SPIDR: variants seen among roughly 807,000 people sequenced by gnomAD.
The protein encoded by SPIDR is scaffold protein involved in DNA repair, also known as DNA repair-scaffolding protein.
Under a neutral mutation model 104.6 loss-of-function variants are expected in SPIDR, and 93 were observed. The ratio of observed to expected loss-of-function variants is 0.89; its 90% CI spans 0.75 to 1.06. The LOEUF (loss-of-function observed/expected upper bound fraction) is 1.06, where lower values mean the gene tolerates loss of function less well. Among genes scored for constraint, SPIDR ranks in the 50% least tolerant of loss-of-function variants. The pLI is 0.00. For missense variants in SPIDR, 1,154 were observed against 1,111.2 expected (o/e 1.04, Z -0.55); for synonymous variants, 431 against 416.9 (o/e 1.03, Z -0.41).
chr8:47,314,123 G>C (rs782672583), intron 5 of SPIDR, among the ~76,000 whole-genome samples: 5 of 152,170 alleles, frequency 3.3e-5, no homozygotes, highest in Non-Finnish European at 7.3e-5. Flanking sequence ...GTGTATAAAG[G>C]ATGAGTCTAG....
intron 8 of SPIDR, among the ~76,000 whole-genome samples, chr8:47,533,105 A>C (rs2086291426): frequency 6.6e-6 from 1 of 152,250 alleles, no homozygotes; most frequent in African/African-American, 2.4e-5. Context: ...CAGTGTAAAG[A>C]AAATTTATAG....
rs572635860 is a variant in SPIDR at position 47,718,646 on chromosome 8, CTTTAT to C, written c.2341+5011_2341+5015del. Among the ~76,000 whole-genome samples the C allele has an allele frequency of 1.5e-4, 23 of 152,058 alleles. No individual in the cohort carries two copies. The East Asian group carries it at 3.9e-3, about 26-fold the overall frequency. ...ATTTTTTCATTGCACGTTGATAAAACTTTATTTTATAAAGTGTAAACCACAGTGAG... is the reference window on the plus strand; with the variant it reads ...ATTTTTTCATTGCACGTTGATAAAACTTTATAAAGTGTAAACCACAGTGAG... On this transcript the variant is annotated intron_variant, in intron 16 of 19. Transcript: ENST00000297423.
chr8:47,298,284 T>C (rs1003649120), intron 5 of SPIDR, among the ~76,000 whole-genome samples: 53 of 152,336 alleles, frequency 3.5e-4, no homozygotes, highest in African/African-American at 1.1e-3. Context: ...TCATATCCTT[T>C]GCCCACTTTT....
chr8:47,420,909 A>C (rs944985797), intron 7 of SPIDR, among the ~76,000 whole-genome samples: 37 of 152,188 alleles, frequency 2.4e-4, no homozygotes, highest in Middle Eastern at 3.4e-3. Flanking sequence ...GTTGAAAATT[A>C]TTTTCTTTAA....
chr8:47,564,188 C>T (rs1336059350), intron 8 of SPIDR, among the ~76,000 whole-genome samples: 1 of 150,030 alleles, frequency 6.7e-6, no homozygotes, highest in East Asian at 2.0e-4. Context: ...AAGCGACTCT[C>T]CTTCCTCAGC....
chr8:47,561,936 A>C (rs1166849346), intron 8 of SPIDR, among the ~76,000 whole-genome samples: 1 of 152,270 alleles, frequency 6.6e-6, no homozygotes, highest in Non-Finnish European at 1.5e-5. Flanking sequence ...AATATGTTCA[A>C]AGAAAGAGGT....
chr8:47,525,345 G>C (rs182002467), intron 8 of SPIDR, among the ~76,000 whole-genome samples: 106 of 152,306 alleles, frequency 7.0e-4, no homozygotes, highest in Middle Eastern at 3.4e-3. Context: ...TAGGAGCCTG[G>C]AAAACAAAAG....
rs990631180 is a variant in SPIDR at position 47,673,647 on chromosome 8, T to C, written c.1545-154T>C. 7.8e-6 allele frequency: 8 copies of C among 1,019,902 alleles called. No homozygotes were observed. The Admixed American group carries it at 1.2e-4, about 16-fold the overall frequency. The allele number at this position is 1,019,902 out of a possible 1,614,324, so 63.2% of individuals were successfully genotyped here. On this transcript the variant is annotated intron_variant, in intron 10 of 19. Transcript: ENST00000297423. ...AAGATGACTACAGTGGATTTCTTTT[T>C]TTTTTCCCCCCTTGGTTTTTCTTTA...
At chr8:47,274,194 G>A (rs2035904936) in intron 1 of SPIDR, among the ~76,000 whole-genome samples, 1 of 152,196 alleles carries the variant, frequency 6.6e-6, no homozygotes, top group Admixed American at 6.5e-5. Flanking sequence ...TTATAGCACA[G>A]TATCTTTACC....
intron 8 of SPIDR, among the ~76,000 whole-genome samples, chr8:47,464,907 T>C (rs1316812238): frequency 2.0e-5 from 3 of 152,098 alleles, no homozygotes; most frequent in Admixed American, 6.6e-5. Context: ...TAGCTGGGAC[T>C]AGAGGCATGC....
chr8:47,414,847 G>A (rs1234457171), intron 7 of SPIDR, among the ~76,000 whole-genome samples: 1 of 152,106 alleles, frequency 6.6e-6, no homozygotes, highest in African/African-American at 2.4e-5. Context: ...ATGATCAAAT[G>A]ATTTAAAATG....
At chr8:47,316,976 G>A (rs1377770331) in intron 5 of SPIDR, among the ~76,000 whole-genome samples, 1 of 152,166 alleles carries the variant, frequency 6.6e-6, no homozygotes, top group Non-Finnish European at 1.5e-5. Context: ...GATTGGTGGA[G>A]CCAAGATGGC....
intron 1 of SPIDR, among the ~76,000 whole-genome samples, chr8:47,276,455 GTT>G (rs1422310584): frequency 3.3e-5 from 5 of 152,068 alleles, no homozygotes; most frequent in Non-Finnish European, 7.4e-5. Context: ...TTTCAAACCA[GTT>G]TATTGAATTT....
chr8:47,299,395 A>G (rs2041587188), intron 5 of SPIDR, among the ~76,000 whole-genome samples: 2 of 152,184 alleles, frequency 1.3e-5, no homozygotes, highest in African/African-American at 4.8e-5. Context: ...GTCATCTGCA[A>G]ACAGGGACAA....
intron 8 of SPIDR, among the ~76,000 whole-genome samples, chr8:47,469,450 C>CA (rs1239628220): frequency 2.6e-5 from 4 of 151,096 alleles, no homozygotes; most frequent in East Asian, 1.9e-4. Flanking sequence ...TTGACAATAG[C>CA]AAAAAAATGG....
chr8:47,386,339 G>A (rs750028272), intron 5 of SPIDR, among the ~76,000 whole-genome samples: 1 of 152,054 alleles, frequency 6.6e-6, no homozygotes, highest in Admixed American at 6.5e-5. Flanking sequence ...AAAAAAGCTT[G>A]AGGGAAATTC....
At chr8:47,438,810 A>G (rs1304404025) in intron 7 of SPIDR, among the ~76,000 whole-genome samples, 1 of 152,348 alleles carries the variant, frequency 6.6e-6, no homozygotes, top group South Asian at 2.1e-4. Flanking sequence ...GTATATGGAC[A>G]TGTGTCATGG....
chr8:47,657,538 A>C (rs143158774), intron 10 of SPIDR, among the ~76,000 whole-genome samples: 1 of 152,294 alleles, frequency 6.6e-6, no homozygotes, highest in Non-Finnish European at 1.5e-5. Context: ...TATCAAACTA[A>C]ATATGTGACA....
chr8:47,735,011 C>G (rs982753377), intron 19 of SPIDR, among the ~76,000 whole-genome samples: 2 of 152,166 alleles, frequency 1.3e-5, no homozygotes, highest in East Asian at 3.9e-4. Context: ...CCAGCAGAGT[C>G]TGTGTGCATC....
Sources: gnomAD v4.1 joint callset for allele counts (sites outside exome capture counted in the v4.1 genomes callset) on GRCh38, gnomAD v4.1.1 for gene constraint, MANE v1.5 for transcripts, NCBI Gene and HGNC (gene_info 2026-07-23, HGNC 2026-07-21) for gene names.